The following ASB18 variants were observed in gnomAD, a reference collection of about 807,000 sequenced individuals.
ASB18 encodes ankyrin repeat and SOCS box protein 18.
In ASB18, 33 loss-of-function variants were observed where a neutral mutation model predicts 33.4. The observed-to-expected ratio is 0.99, with a 90% CI of 0.75 to 1.32. The LOEUF is 1.32. Among genes scored for constraint, ASB18 ranks in the 40% most tolerant of loss-of-function variants. The probability of loss-of-function intolerance (pLI) is 0.00; values close to 1 mark genes in which losing one functional copy is unlikely to be tolerated. For missense variants in ASB18, 694 were observed against 655.5 expected, an observed-to-expected ratio of 1.06 and a Z score of -0.64; for synonymous variants, 295 against 307.6, an observed-to-expected ratio of 0.96 and a Z score of 0.43.
intron 3 of ASB18, among the ~76,000 whole-genome samples, chr2:236,218,551 C>A (rs2060498033): frequency 6.6e-6 from 1 of 152,140 alleles, no homozygotes. Context: ...GTAATTCCAG[C>A]ACTTTGGGAG....
At position 236,259,682 on chromosome 2, in the gene ASB18, CAG is replaced by C; in HGVS notation, c.205+4457_205+4458del. ...CTGTAGAGCGTGGGGGGCTCAGCCT[CAG>C]TGAGCCCAGCAGGATGTTGGGCATC... On this transcript the variant is annotated intron_variant, in intron 1 of 5. Coordinates refer to ENST00000409749, the MANE Select transcript of ASB18 (RefSeq NM_212556.4). This position sits in a 1 kb window ranked among gnomAD's most constrained non-coding sequence, Gnocchi z 4.4. The C allele has an allele frequency of 2.3e-6, 1 of 441,554 alleles. No homozygotes were observed. Among genetic ancestry groups the C allele is most frequent in the South Asian group, 1.6e-5 (1 of 61,058 alleles). The allele number at this position is 441,554 out of a possible 1,614,324, so 27.4% of individuals were successfully genotyped here.
In ASB18 at chr2:236,214,589, C is replaced by T; in HGVS notation, c.874G>A (p.Asp292Asn). The T allele has an allele frequency of 1.6e-6, 2 of 1,275,634 alleles. No individual in the cohort carries two copies. The highest frequency in any genetic ancestry group is 5.1e-5 in the South Asian group (2 of 39,270). 79.0% of individuals were successfully genotyped at this position (1,275,634 alleles called of 1,614,324 possible). A position where few individuals can be genotyped will look rare whatever the true frequency, so the allele number is the denominator to read the frequency against. Residue 292 changes from aspartate to asparagine, a missense_variant, in exon 4 of 6, where the codon GAC becomes AAC. Transcript: ENST00000409749. This position sits in a 1 kb window ranked among gnomAD's most constrained non-coding sequence, Gnocchi z 6.5. ...GCTTTGTGCAGCGGGCTGCGCTCGT[C>T]CTCGTCGCGCGCGTCCGCCTCCGCC... ...RGAEADARDEDERSPLHKACG... is the reference protein window; with the variant it reads ...RGAEADARDENERSPLHKACG...
rs189597315 is a variant in ASB18, at chr2:236,193,656, C to T, written c.*1216G>A. On this transcript the variant is annotated 3_prime_UTR_variant, in exon 6 of 6. Transcript: ENST00000409749. The surrounding 1 kb of genome is among the most constrained non-coding windows in gnomAD (Gnocchi z 5.0). ...TACTAAAAATAAAAAATTAGCCGGG[C>T]GTGCTGGCACATGCCTGTTATCCCA... 3.9e-5 allele frequency among the ~76,000 whole-genome samples: 6 copies of T among 152,214 alleles called. No individual in the cohort carries two copies. Among genetic ancestry groups the T allele is most frequent in the Admixed American group, 2.0e-4 (3 of 15,290 alleles).
At position 236,237,683 on chromosome 2, in the gene ASB18, C is replaced by T. The variant is rs1323197849; in HGVS notation, c.596+6G>A. The T allele has an allele frequency of 6.9e-7, 1 of 1,444,554 alleles. No homozygotes were observed. Among genetic ancestry groups the T allele is most frequent in the South Asian group, 1.4e-5 (1 of 73,496 alleles). The allele number at this position is 1,444,554 out of a possible 1,614,324, so 89.5% of individuals were successfully genotyped here. A position where few individuals can be genotyped will look rare whatever the true frequency, so the allele number is the denominator to read the frequency against. ...GGACGCCGCGGGCCTGTCCCGAGGT[C>T]CTTACCCGAGCGAGGCGGCCGTGCG... On this transcript the variant is annotated splice_donor_region_variant and intron_variant, in intron 3 of 5. Transcript: ENST00000409749. This position sits in a 1 kb window ranked among gnomAD's most constrained non-coding sequence, Gnocchi z 6.2.
At position 236,239,306 on chromosome 2, in the gene ASB18, C is replaced by T. The variant is rs1379859179; in HGVS notation, c.329-1350G>A. Among the ~76,000 whole-genome samples the T allele has an allele frequency of 6.6e-6, 1 of 151,806 alleles. No individual in the cohort carries two copies. The highest frequency in any genetic ancestry group is 1.5e-5 in the Non-Finnish European group (1 of 67,948). On this transcript the variant is annotated intron_variant, in intron 2 of 5. Transcript: ENST00000409749. This position sits in a 1 kb window ranked among gnomAD's most constrained non-coding sequence, Gnocchi z 5.6. Reference sequence around the variant, plus strand: ...CCCAGCCCCACCCTACCCTAGCGCTCAGTAAACCCACCCTGGATTCCTGAG... The same window carrying T: ...CCCAGCCCCACCCTACCCTAGCGCTTAGTAAACCCACCCTGGATTCCTGAG...
At position 236,216,161 on chromosome 2, in the gene ASB18, G is replaced by T. The variant is rs992645148; in HGVS notation, c.597-1295C>A. Reference sequence around the variant, plus strand: ...GGTCTGCCGAGCCCTGTTGGAGGACGCAGCCTTCATGGAGCTGGCCTTGGT... The same window carrying T: ...GGTCTGCCGAGCCCTGTTGGAGGACTCAGCCTTCATGGAGCTGGCCTTGGT... On this transcript the variant is annotated intron_variant, in intron 3 of 5. Coordinates refer to ENST00000409749, the MANE Select transcript of ASB18 (RefSeq NM_212556.4). The surrounding 1 kb of genome is among the most constrained non-coding windows in gnomAD (Gnocchi z 6.1). Among the ~76,000 whole-genome samples, 3 of 152,152 alleles carry T rather than the reference G, an allele frequency of 2.0e-5. No individual in the cohort carries two copies. The highest frequency in any genetic ancestry group is 2.9e-5 in the Non-Finnish European group (2 of 68,030).
rs556531714 is a variant in ASB18, at chr2:236,202,231, G to A, written c.1102-5846C>T. 2.6e-5 allele frequency among the ~76,000 whole-genome samples: 4 copies of A among 152,188 alleles called. No homozygotes were observed. In the South Asian group the frequency reaches 8.3e-4, roughly 32 times the overall value. ...CTCCCAAAGCGCTGGGATTACAGGT[G>A]TGCGCCACCACACCTGGCCTCATTT... is the stretch of plus-strand genomic sequence containing the variant. On this transcript the variant is annotated intron_variant, in intron 4 of 5. Coordinates refer to ENST00000409749, the MANE Select transcript of ASB18 (RefSeq NM_212556.4).
intron 4 of ASB18, among the ~76,000 whole-genome samples, chr2:236,197,753 C>T (rs56746701): frequency 4.6e-5 from 7 of 151,158 alleles, no homozygotes; most frequent in Middle Eastern, 3.4e-3. Flanking sequence ...ACCTGGGAGG[C>T]GGAGGTTGCG....
rs1357833430 is a variant in ASB18, at chr2:236,193,515, G to A, written c.*1357C>T. Among the ~76,000 whole-genome samples the A allele has an allele frequency of 2.0e-5, 3 of 152,178 alleles. No homozygotes were observed. The highest frequency in any genetic ancestry group is 3.9e-4 in the East Asian group (2 of 5,184). On this transcript the variant is annotated 3_prime_UTR_variant, in exon 6 of 6. Transcript: ENST00000409749. This position sits in a 1 kb window ranked among gnomAD's most constrained non-coding sequence, Gnocchi z 5.0. ...CACCGATAAGAAACAAAACTGATTC[G>A]GCAGGGCATGGTGACTCATGCCTGT...
Position 236,195,038 on chromosome 2 carries a change from T to G in ASB18, c.1235A>C (p.Gln412Pro), listed in dbSNP as rs1245532977. The change falls in exon 6 of 6, where the codon CAG becomes CCG. Residue 412 changes from glutamine (Q) to proline (P), a missense_variant. By Grantham distance (76) the Gln-to-Pro change is moderately conservative. Transcript: ENST00000409749. This position sits in a 1 kb window ranked among gnomAD's most constrained non-coding sequence, Gnocchi z 5.5. ...GGTGAGGGCCAAGGCAAAGAGGGAC[T>G]GGTAGAACGGCTTGTGCATCTGGAA... is the stretch of plus-strand genomic sequence containing the variant. ...EVFQMHKPFY[Q>P]SLFALALTPR... The G allele has an allele frequency of 6.2e-7, 1 of 1,612,026 alleles. No homozygotes were observed. The highest frequency in any genetic ancestry group is 8.5e-7 in the Non-Finnish European group (1 of 1,178,934).
In ASB18 at chr2:236,255,807, A is replaced by C. The variant is rs944599720; in HGVS notation, c.205+8334T>G. Among the ~76,000 whole-genome samples the C allele has an allele frequency of 6.6e-6, 1 of 151,932 alleles. No homozygotes were observed. The highest frequency in any genetic ancestry group is 2.4e-5 in the African/African-American group (1 of 41,328). ...GGGCTTCCTCTCTTCTCTGATTTAC[A>C]CACCCAAGTCCAAGTTGTGTCCCAC... On this transcript the variant is annotated intron_variant, in intron 1 of 5. Transcript: ENST00000409749. The surrounding 1 kb of genome is among the most constrained non-coding windows in gnomAD (Gnocchi z 4.4).
rs144603008 is a variant in ASB18 at position 236,216,382 on chromosome 2, C to T, written c.597-1516G>A. ...ACCTGCCTGCCTTCTGCAAACACAT[C>T]TGTTTCAACACTGATTAGAATCTGT... On this transcript the variant is annotated intron_variant, in intron 3 of 5. Coordinates refer to ENST00000409749, the MANE Select transcript of ASB18 (RefSeq NM_212556.4). This position sits in a 1 kb window ranked among gnomAD's most constrained non-coding sequence, Gnocchi z 6.1. Among the ~76,000 whole-genome samples, 11 of 152,360 alleles carry T rather than the reference C, an allele frequency of 7.2e-5. No homozygotes were observed. In the East Asian group the frequency reaches 2.1e-3, roughly 29 times the overall value.
In ASB18 at chr2:236,262,302, C is replaced by T. The variant is rs780725635; in HGVS notation, c.205+1839G>A. ...GAAAGCAGATGGCATGAGCTCAGGGCATGCTGAAGGCAGGCCGGGTTACAG... is the reference window on the plus strand; with the variant it reads ...GAAAGCAGATGGCATGAGCTCAGGGTATGCTGAAGGCAGGCCGGGTTACAG... On this transcript the variant is annotated intron_variant, in intron 1 of 5. Transcript: ENST00000409749. This position sits in a 1 kb window ranked among gnomAD's most constrained non-coding sequence, Gnocchi z 5.2. Among the ~76,000 whole-genome samples, 6 of 152,206 alleles carry T rather than the reference C, an allele frequency of 3.9e-5. No homozygotes were observed. Among genetic ancestry groups the T allele is most frequent in the Non-Finnish European group, 8.8e-5 (6 of 68,044 alleles).
At position 236,205,186 on chromosome 2, in the gene ASB18, A is replaced by C. The variant is rs1041205210; in HGVS notation, c.1102-8801T>G. On this transcript the variant is annotated intron_variant, in intron 4 of 5. Coordinates refer to ENST00000409749, the MANE Select transcript of ASB18 (RefSeq NM_212556.4). This position sits in a 1 kb window ranked among gnomAD's most constrained non-coding sequence, Gnocchi z 5.4. ...CTGCTCAAATCCCTCCAATGGTCAAAGTCATTACAATGTCCTGTAAGACCC... is the reference window on the plus strand; with the variant it reads ...CTGCTCAAATCCCTCCAATGGTCAACGTCATTACAATGTCCTGTAAGACCC... Among the ~76,000 whole-genome samples the C allele has an allele frequency of 6.6e-6, 1 of 152,196 alleles. No homozygotes were observed. The highest frequency in any genetic ancestry group is 2.4e-5 in the African/African-American group (1 of 41,430).
At chr2:236,258,224 G>C (rs13407373) in intron 1 of ASB18, among the ~76,000 whole-genome samples, 7,755 of 152,222 alleles carry the variant, frequency 0.051, 718 homozygotes, top group African/African-American at 0.18. Context: ...ACCACTCCTG[G>C]GAAGGCAGTG....
At chr2:236,207,017 CAA>C (rs1442492364) in intron 4 of ASB18, among the ~76,000 whole-genome samples, 3 of 152,210 alleles carry the variant, frequency 2.0e-5, no homozygotes, top group African/African-American at 7.2e-5. Flanking sequence ...AAGACAGAGA[CAA>C]AAGAGAGAAA....
chr2:236,243,016 G>A lies in ASB18; in HGVS notation c.206-1614C>T, dbSNP rs1277641754. Among the ~76,000 whole-genome samples, 11 of 59,704 alleles carry A rather than the reference G, an allele frequency of 1.8e-4. No individual in the cohort carries two copies. In the South Asian group the frequency reaches 2.4e-3, roughly 13 times the overall value. 39.2% of individuals were successfully genotyped at this position (59,704 alleles called of 152,430 possible). Reference sequence around the variant, plus strand: ...AGCCTGGGCAGTGGAGTGAGACCCTGTCTCAAAAAAAAAAAAAAAAAAAAA... The same window carrying A: ...AGCCTGGGCAGTGGAGTGAGACCCTATCTCAAAAAAAAAAAAAAAAAAAAA... On this transcript the variant is annotated intron_variant, in intron 1 of 5. Coordinates refer to ENST00000409749, the MANE Select transcript of ASB18 (RefSeq NM_212556.4).
At position 236,238,721 on chromosome 2, in the gene ASB18, G is replaced by A. The variant is rs750312906; in HGVS notation, c.329-765C>T. Among the ~76,000 whole-genome samples, 3 of 152,132 alleles carry A rather than the reference G, an allele frequency of 2.0e-5. No homozygotes were observed. Among genetic ancestry groups the A allele is most frequent in the Admixed American group, 6.5e-5 (1 of 15,272 alleles). On this transcript the variant is annotated intron_variant, in intron 2 of 5. Transcript: ENST00000409749. The surrounding 1 kb of genome is among the most constrained non-coding windows in gnomAD (Gnocchi z 5.2). ...TGGCACTTTCAAAAAGCCCGTGGAA[G>A]GTTGTTAGCGGCCAGGAGCGCTCGT...
chr2:236,194,793 A>T lies in ASB18; in HGVS notation c.*79T>A. The T allele has an allele frequency of 2.3e-6, 3 of 1,299,408 alleles. No individual in the cohort carries two copies. The allele number at this position is 1,299,408 out of a possible 1,614,324, so 80.5% of individuals were successfully genotyped here. A position where few individuals can be genotyped will look rare whatever the true frequency, so the allele number is the denominator to read the frequency against. ...GGGAACTCCCATCACCTCCATCTGCATCAGGGCACTCTCCAACACACGGCC... is the reference window on the plus strand; with the variant it reads ...GGGAACTCCCATCACCTCCATCTGCTTCAGGGCACTCTCCAACACACGGCC... On this transcript the variant is annotated 3_prime_UTR_variant, in exon 6 of 6. Coordinates refer to ENST00000409749, the MANE Select transcript of ASB18 (RefSeq NM_212556.4). The surrounding 1 kb of genome is among the most constrained non-coding windows in gnomAD (Gnocchi z 4.5).
Sources: gnomAD v4.1 joint callset for allele counts (sites outside exome capture counted in the v4.1 genomes callset) on GRCh38, gnomAD v4.1.1 for gene constraint, Gnocchi (gnomAD v3.1) non-coding constraint, MANE v1.5 for transcripts, NCBI Gene and HGNC (gene_info 2026-07-23, HGNC 2026-07-21) for gene names.